The following RAB3GAP2 variants were observed in gnomAD, a reference collection of about 807,000 sequenced individuals.
RAB3GAP2 encodes the protein rab3 GTPase-activating protein non-catalytic subunit.
RAB3GAP2 carries 87 observed loss-of-function variants against 185.3 expected under a neutral mutation model. The ratio of observed to expected loss-of-function variants is 0.47; its 90% confidence interval spans 0.39 to 0.56. RAB3GAP2 has a LOEUF of 0.56. Ranked by LOEUF, RAB3GAP2 falls within the 20% of genes least tolerant of loss-of-function variation. The probability of loss-of-function intolerance (pLI) is 0.00; values close to 1 mark genes in which losing one functional copy is unlikely to be tolerated. For missense variants in RAB3GAP2, 1,492 were observed against 1,638.2 expected (o/e 0.91, Z 1.54); for synonymous variants, 554 against 576.1 (o/e 0.96, Z 0.55).
chr1:220,182,795 G>T lies in RAB3GAP2; in HGVS notation c.2135C>A (p.Thr712Lys), dbSNP rs1423676928. Residue 712 changes from threonine to lysine, a missense_variant, in exon 20 of 35, where the codon ACA becomes AAA. Around this residue, in one of 5 missense-constraint regions of RAB3GAP2, gnomAD observed 681 missense variants for 689.1 expected, o/e 0.99. Coordinates refer to ENST00000358951, the MANE Select transcript of RAB3GAP2 (RefSeq NM_012414.4). ...TTCATATTCTAAATATTCCAAGAAT[G>T]TTTTTACAGGCAACACACCATCTTT... is the stretch of plus-strand genomic sequence containing the variant. ...DDKDGVLPVKTFLEYLEYEKD... is the reference protein window; with the variant it reads ...DDKDGVLPVKKFLEYLEYEKD... 6.2e-7 allele frequency: 1 copy of T among 1,613,162 alleles called. No homozygotes were observed.
intron 24 of RAB3GAP2, among the ~76,000 whole-genome samples, chr1:220,169,748 C>T (rs953448539): frequency 2.0e-5 from 3 of 152,108 alleles, no homozygotes; most frequent in African/African-American, 7.2e-5. Flanking sequence ...TTACTGGCAA[C>T]CCCACAGAAC....
At chr1:220,177,677 G>A (rs558873831) in intron 21 of RAB3GAP2, among the ~76,000 whole-genome samples, 2 of 152,220 alleles carry the variant, frequency 1.3e-5, no homozygotes, top group East Asian at 3.9e-4. Context: ...ATGCAATATA[G>A]AGCATCAATA....
chr1:220,177,278 C>T, intron 21 of RAB3GAP2, among the ~76,000 whole-genome samples: 1 of 152,216 alleles, frequency 6.6e-6, no homozygotes, highest in Non-Finnish European at 1.5e-5. Flanking sequence ...TTGCAGTGGT[C>T]ACAAGCTCAG....
At chr1:220,252,068 A>G (rs961348726) in intron 1 of RAB3GAP2, among the ~76,000 whole-genome samples, 3 of 151,148 alleles carry the variant, frequency 2.0e-5, no homozygotes, top group Non-Finnish European at 4.4e-5. Flanking sequence ...CAGCAGCAGG[A>G]TCAATTGAGC....
chr1:220,237,468 C>T (rs1659613825), intron 1 of RAB3GAP2, among the ~76,000 whole-genome samples: 1 of 152,194 alleles, frequency 6.6e-6, no homozygotes, highest in Non-Finnish European at 1.5e-5. Flanking sequence ...CTTCATAAAA[C>T]CAGCGTTATA....
Position 220,151,717 on chromosome 1 carries a change from C to A in RAB3GAP2, c.3915G>T (p.Leu1305=), listed in dbSNP as rs771798818. The change falls in exon 34 of 35, where the codon CTG becomes CTT. Residue 1305 remains leucine (L), a synonymous_variant. Coordinates refer to ENST00000358951, the MANE Select transcript of RAB3GAP2 (RefSeq NM_012414.4). ...GAGCCAGCCTTTGCCCCGTGAGCAC[C>A]AGCAGCTGAGAGGCAAGGACCTCTT... ...HDKEVLASQL[L]VLTGQRLAHA... 2 of 1,612,232 alleles carry A rather than the reference C, an allele frequency of 1.2e-6. No individual in the cohort carries two copies. The highest frequency in any genetic ancestry group is 2.2e-5 in the South Asian group (2 of 91,034).
At chr1:220,266,603 A>G in intron 1 of RAB3GAP2, 2 of 1,033,124 alleles carry the variant, frequency 1.9e-6, no homozygotes, top group South Asian at 1.3e-5. Context: ...TTAGTGTTCT[A>G]GATTGAGGGC....
intron 1 of RAB3GAP2, among the ~76,000 whole-genome samples, chr1:220,261,284 T>G (rs569540469): frequency 1.3e-5 from 2 of 152,258 alleles, no homozygotes; most frequent in East Asian, 3.9e-4. Flanking sequence ...ATGAGGAAGG[T>G]TCAACAACTT....
intron 2 of RAB3GAP2, among the ~76,000 whole-genome samples, chr1:220,230,240 T>TC (rs1659473822): frequency 6.6e-6 from 1 of 152,088 alleles, no homozygotes; most frequent in African/African-American, 2.4e-5. Flanking sequence ...ATCCACAGAC[T>TC]CAGTAAAATC....
chr1:220,194,910 C>A (rs921771121), intron 12 of RAB3GAP2, among the ~76,000 whole-genome samples, 168 bp downstream of exon 12: 6 of 152,176 alleles, frequency 3.9e-5, no homozygotes, highest in Non-Finnish European at 8.8e-5. Flanking sequence ...AGGTAAGAAT[C>A]ACTCTTCACA....
At chr1:220,192,862 T>C (rs1475449747) in intron 13 of RAB3GAP2, among the ~76,000 whole-genome samples, 1 of 152,184 alleles carries the variant, frequency 6.6e-6, no homozygotes, top group East Asian at 1.9e-4. Context: ...TCAGTGAAGA[T>C]GGGTTTTGCT....
intron 34 of RAB3GAP2, 58 bp downstream of exon 34, chr1:220,151,544 TAACC>T: frequency 6.3e-7 from 1 of 1,585,860 alleles, no homozygotes; most frequent in South Asian, 1.1e-5. Context: ...TAACTGTTAT[TAACC>T]AGGCACTCAA....
At chr1:220,196,623 G>T (rs1658729908) in intron 9 of RAB3GAP2, among the ~76,000 whole-genome samples, 1 of 152,016 alleles carries the variant, frequency 6.6e-6, no homozygotes, top group South Asian at 2.1e-4. Context: ...TTGAGGTCAA[G>T]AGTTTGAAAT....
chr1:220,167,675 C>A lies in RAB3GAP2; in HGVS notation c.2807G>T (p.Gly936Val), dbSNP rs1265334429. The change falls in exon 25 of 35, where the codon GGT (glycine) becomes GTT (valine). Residue 936 changes from glycine to valine, a missense_variant and splice_region_variant. Coordinates refer to ENST00000358951, the MANE Select transcript of RAB3GAP2 (RefSeq NM_012414.4). ...CTTGGCTACACTGTCTGCAATGCCA[C>A]CTATAGTTTGGAGACAAGAAAGAAA... ...SVKKLLEGGKGGIADSVAKWI... is the reference protein window; with the variant it reads ...SVKKLLEGGKVGIADSVAKWI... The A allele has an allele frequency of 6.2e-7, 1 of 1,613,470 alleles. No homozygotes were observed.
At position 220,158,001 on chromosome 1, in the gene RAB3GAP2, G is replaced by A; in HGVS notation, c.3262-125C>T. The A allele has an allele frequency of 1.3e-6, 1 of 750,034 alleles. No individual in the cohort carries two copies. The highest frequency in any genetic ancestry group is 2.3e-6 in the Non-Finnish European group (1 of 426,364). 46.5% of individuals were successfully genotyped at this position (750,034 alleles called of 1,614,324 possible). A position where few individuals can be genotyped will look rare whatever the true frequency, so the allele number is the denominator to read the frequency against. On this transcript the variant is annotated intron_variant, in intron 29 of 34. Transcript: ENST00000358951. This position sits in a 1 kb window ranked among gnomAD's most constrained non-coding sequence, Gnocchi z 4.3. ...CTTTCCACACTGAATAGACAGGCAA[G>A]AATTTGAAAGTCAAGGCATTAGCAT...
At position 220,254,666 on chromosome 1, in the gene RAB3GAP2, G is replaced by T. The variant is rs1660001022; in HGVS notation, c.115+17557C>A. 3 of 775,180 alleles carry T rather than the reference G, an allele frequency of 3.9e-6. No individual in the cohort carries two copies. The East Asian group carries it at 8.1e-5, about 21-fold the overall frequency. 48.0% of individuals were successfully genotyped at this position (775,180 alleles called of 1,614,324 possible). A position where few individuals can be genotyped will look rare whatever the true frequency, so the allele number is the denominator to read the frequency against. ...AACAATTGATGTTTGTTTTCTGTTT[G>T]ATTTTAAACAGAGAAAATAAAAGGG... is the stretch of plus-strand genomic sequence containing the variant. On this transcript the variant is annotated intron_variant, in intron 1 of 34. Transcript: ENST00000358951.
chr1:220,272,165 C>T, intron 1 of RAB3GAP2, 58 bp downstream of exon 1: 1 of 1,436,362 alleles, frequency 7.0e-7, no homozygotes, highest in Non-Finnish European at 9.6e-7. Flanking sequence ...GACTCGAACC[C>T]GTGAGCAGAG....
intron 26 of RAB3GAP2, among the ~76,000 whole-genome samples, chr1:220,165,573 G>A (rs972677533): frequency 6.6e-6 from 1 of 151,880 alleles, no homozygotes; most frequent in Non-Finnish European, 1.5e-5. Context: ...TTATTGTTTT[G>A]AGCCTTATAA....
chr1:220,231,412 A>G (rs972321378), intron 2 of RAB3GAP2, among the ~76,000 whole-genome samples: 1 of 152,254 alleles, frequency 6.6e-6, no homozygotes, highest in Non-Finnish European at 1.5e-5. Flanking sequence ...TTGCTATCAC[A>G]TTACCATTTG....
Sources: allele counts gnomAD v4.1 joint callset (sites outside exome capture counted in the v4.1 genomes callset), GRCh38; gene constraint gnomAD v4.1.1; regional missense constraint gnomAD v4.1.1; non-coding constraint Gnocchi (gnomAD v3.1); transcripts MANE v1.5; gene names NCBI Gene and HGNC (gene_info 2026-07-23, HGNC 2026-07-21).